The following ATP9B variants were observed in gnomAD, a reference collection of about 807,000 sequenced individuals.
ATP9B encodes ATPase phospholipid transporting 9B.
ATP9B carries 110 observed loss-of-function variants against 146.1 expected under a neutral mutation model. The observed-to-expected ratio is 0.75, with a 90% confidence interval of 0.65 to 0.88. The LOEUF (loss-of-function observed/expected upper bound fraction) is 0.88. Ranked by LOEUF, ATP9B falls within the 40% of genes least tolerant of loss-of-function variation. ATP9B has a pLI of 0.00. For missense variants in ATP9B, 1,499 were observed against 1,496.4 expected (o/e 1.00, Z -0.03); for synonymous variants, 604 against 569.7 (o/e 1.06, Z -0.86).
intron 29 of ATP9B, chr18:79,376,003 G>C: frequency 1.0e-6 from 1 of 985,342 alleles, no homozygotes; most frequent in Non-Finnish European, 1.2e-6. Flanking sequence ...CTGGTGAGTA[G>C]ATGGTTCTTC....
intron 10 of ATP9B, among the ~76,000 whole-genome samples, chr18:79,208,709 C>T (rs1057253543): frequency 5.9e-5 from 9 of 151,850 alleles, no homozygotes; most frequent in Non-Finnish European, 8.8e-5. Flanking sequence ...TAAATTACAT[C>T]TATATATAAA....
At chr18:79,176,226 A>G (rs1017496371) in intron 7 of ATP9B, among the ~76,000 whole-genome samples, 4 of 152,192 alleles carry the variant, frequency 2.6e-5, no homozygotes, top group Non-Finnish European at 4.4e-5. Context: ...TGCTTTTGCT[A>G]TTCCATCATT....
intron 12 of ATP9B, among the ~76,000 whole-genome samples, chr18:79,259,364 A>G (rs2096116919): frequency 1.3e-5 from 2 of 152,162 alleles, no homozygotes; most frequent in Admixed American, 1.3e-4. Context: ...TTGAAATGCT[A>G]TATACCATTG....
chr18:79,356,649 T>G (rs966666927), intron 25 of ATP9B, among the ~76,000 whole-genome samples: 18 of 152,210 alleles, frequency 1.2e-4, no homozygotes, highest in Non-Finnish European at 2.4e-4. Flanking sequence ...GCTGTACAGT[T>G]CCATTTGCAT....
chr18:79,280,582 T>C (rs542043078), intron 13 of ATP9B, among the ~76,000 whole-genome samples: 3 of 152,196 alleles, frequency 2.0e-5, no homozygotes, highest in African/African-American at 7.2e-5. Flanking sequence ...CTCTTTTTTT[T>C]ATTGATTAGC....
intron 1 of ATP9B, among the ~76,000 whole-genome samples, chr18:79,072,506 T>A (rs1255213022): frequency 6.6e-6 from 1 of 152,218 alleles, no homozygotes; most frequent in African/African-American, 2.4e-5. Flanking sequence ...GGCAGAAGAA[T>A]TTTTCTTAGT....
chr18:79,275,563 C>T (rs114494639), intron 12 of ATP9B, among the ~76,000 whole-genome samples: 3,134 of 152,332 alleles, frequency 0.021, 52 homozygotes, highest in Middle Eastern at 0.044. Context: ...ACATAGTCTT[C>T]AGCACAGCTG....
At chr18:79,272,572 C>G (rs1314441059) in intron 12 of ATP9B, among the ~76,000 whole-genome samples, 6 of 149,866 alleles carry the variant, frequency 4.0e-5, no homozygotes, top group African/African-American at 1.5e-4. Flanking sequence ...ATACGCTTCT[C>G]TCCCTGAGCT....
intron 2 of ATP9B, among the ~76,000 whole-genome samples, chr18:79,108,198 G>C (rs896837133): frequency 1.3e-5 from 2 of 152,198 alleles, no homozygotes; most frequent in African/African-American, 4.8e-5. Flanking sequence ...AGGGATGCTG[G>C]AGGGAAGGAG....
Position 79,176,444 on chromosome 18 carries a change from T to C in ATP9B, c.779-369T>C, listed in dbSNP as rs1014354690. Among the ~76,000 whole-genome samples the C allele has an allele frequency of 1.3e-5, 2 of 152,238 alleles. 1 individual carries two copies. Among genetic ancestry groups the C allele is most frequent in the African/African-American group, 4.8e-5 (2 of 41,470 alleles). On this transcript the variant is annotated intron_variant, in intron 7 of 29. Transcript: ENST00000426216. ...TTATTAGCAAAATAATACTATACAC[T>C]GTTGGATATTTTTGTGTATTTGTTA...
intron 12 of ATP9B, among the ~76,000 whole-genome samples, chr18:79,276,624 G>A (rs953874100): frequency 2.6e-5 from 4 of 152,078 alleles, no homozygotes; most frequent in Non-Finnish European, 4.4e-5. Context: ...GGGCATATAC[G>A]GGCACACTCA....
intron 10 of ATP9B, among the ~76,000 whole-genome samples, chr18:79,212,278 C>T (rs969416264): frequency 2.6e-5 from 4 of 152,154 alleles, no homozygotes; most frequent in African/African-American, 4.8e-5. Flanking sequence ...AGAATACTTA[C>T]GAGAGCCTTT....
rs56002235 is a variant in ATP9B at position 79,155,753 on chromosome 18, C to CTTTT, written c.778+1222_778+1225dup. Among the ~76,000 whole-genome samples the CTTTT allele has an allele frequency of 1.2e-3, 89 of 74,076 alleles. 3 individuals are homozygous for CTTTT. The highest frequency in any genetic ancestry group is 1.8e-3 in the Non-Finnish European group (78 of 42,896). 48.6% of individuals were successfully genotyped at this position (74,076 alleles called of 152,430 possible). On this transcript the variant is annotated intron_variant, in intron 7 of 29. Coordinates refer to ENST00000426216, the MANE Select transcript of ATP9B (RefSeq NM_198531.5). ...GTCAAAGAAGAAACATGTTTTCTCTCTTTTTTTTTTTTTTTTTTTTTTTTT... is the reference window on the plus strand; with the variant it reads ...GTCAAAGAAGAAACATGTTTTCTCTCTTTTTTTTTTTTTTTTTTTTTTTTTTTTT...
chr18:79,339,937 T>C (rs1229439509), intron 19 of ATP9B, among the ~76,000 whole-genome samples: 1 of 152,214 alleles, frequency 6.6e-6, no homozygotes, highest in Admixed American at 6.5e-5. Flanking sequence ...AACTTAATTG[T>C]ATTGTACAGC....
intron 10 of ATP9B, 93 bp downstream of exon 10, chr18:79,207,105 C>G (rs1410947056): frequency 8.1e-7 from 1 of 1,240,396 alleles, no homozygotes; most frequent in Non-Finnish European, 1.2e-6. Context: ...TCTCACAGTG[C>G]CCTGAAATAT....
intron 15 of ATP9B, among the ~76,000 whole-genome samples, chr18:79,315,874 A>G (rs1438409200): frequency 6.6e-6 from 1 of 152,162 alleles, no homozygotes; most frequent in Non-Finnish European, 1.5e-5. Context: ...CCACTTACAT[A>G]TATTTTTTTG....
intron 11 of ATP9B, among the ~76,000 whole-genome samples, chr18:79,221,643 C>T (rs1264625769): frequency 2.0e-5 from 3 of 152,128 alleles, no homozygotes; most frequent in Non-Finnish European, 4.4e-5. Context: ...ATCACCTGAG[C>T]CCAGGAGGCA....
At chr18:79,105,805 TCAA>T (rs2075615462) in intron 2 of ATP9B, among the ~76,000 whole-genome samples, 1 of 152,204 alleles carries the variant, frequency 6.6e-6, no homozygotes, top group Non-Finnish European at 1.5e-5. Flanking sequence ...TCTAATGTCC[TCAA>T]CTAATCGGCA....
chr18:79,212,157 A>T (rs1401339930), intron 10 of ATP9B, among the ~76,000 whole-genome samples: 1 of 152,196 alleles, frequency 6.6e-6, no homozygotes, highest in African/African-American at 2.4e-5. Context: ...AAATGTCCCA[A>T]ATATTTCTGC....
Sources: allele counts gnomAD v4.1 joint callset (sites outside exome capture counted in the v4.1 genomes callset), GRCh38; gene constraint gnomAD v4.1.1; transcripts MANE v1.5; gene names NCBI Gene and HGNC (gene_info 2026-07-23, HGNC 2026-07-21).